The following SRL variants were observed in gnomAD, a reference collection of about 807,000 sequenced individuals.
SRL encodes sarcalumenin.
SRL carries 23 observed loss-of-function variants against 39.5 expected under a neutral mutation model. That is an observed-to-expected ratio of 0.58 (90% CI 0.42 to 0.82). The LOEUF (loss-of-function observed/expected upper bound fraction) is 0.82, where lower values mean the gene tolerates loss of function less well. Ranked by LOEUF, SRL falls within the 40% of genes least tolerant of loss-of-function variation. The pLI, the probability that SRL is intolerant of heterozygous loss-of-function variation, is 0.00. For synonymous variants in SRL, 272 were observed against 237.4 expected (o/e 1.15, Z -1.34); for missense variants, 592 against 607.8 (o/e 0.97, Z 0.27).
At chr16:4,232,878 G>A (rs898894768) in intron 1 of SRL, among the ~76,000 whole-genome samples, 1 of 152,192 alleles carries the variant, frequency 6.6e-6, no homozygotes, top group African/African-American at 2.4e-5. Context: ...CCTGAAGGAG[G>A]ACCGGGGGCT....
At chr16:4,236,672 C>G (rs1317584091) in intron 1 of SRL, among the ~76,000 whole-genome samples, 1 of 151,956 alleles carries the variant, frequency 6.6e-6, no homozygotes, top group Non-Finnish European at 1.5e-5. Context: ...GAGACAGAGT[C>G]TTGCTCTGGT....
chr16:4,223,462 C>T (rs1456665382), intron 1 of SRL, among the ~76,000 whole-genome samples: 2 of 151,946 alleles, frequency 1.3e-5, no homozygotes, highest in African/African-American at 4.8e-5. Context: ...ACTGCAGCCT[C>T]AAACTCCAGG....
At chr16:4,206,858 C>T (rs2052325661) in intron 1 of SRL, 1 of 456,780 alleles carries the variant, frequency 2.2e-6, no homozygotes, top group Non-Finnish European at 4.4e-6. Flanking sequence ...CCCCTCTGTC[C>T]CTGTGACTTG....
chr16:4,235,358 G>C (rs187588386), intron 1 of SRL, among the ~76,000 whole-genome samples: 1 of 152,246 alleles, frequency 6.6e-6, no homozygotes, highest in East Asian at 1.9e-4. Flanking sequence ...ATCATGAAGG[G>C]GACCTGAGGC....
At chr16:4,224,846 T>C (rs765584517) in intron 1 of SRL, among the ~76,000 whole-genome samples, 24 of 152,176 alleles carry the variant, frequency 1.6e-4, no homozygotes, top group Non-Finnish European at 3.1e-4. Context: ...AGCCCGACTG[T>C]CCATCAGTAG....
chr16:4,211,907 A>G (rs1207430034), intron 1 of SRL, among the ~76,000 whole-genome samples: 1 of 152,254 alleles, frequency 6.6e-6, no homozygotes, highest in African/African-American at 2.4e-5. Context: ...GATGATGAGA[A>G]TGATAGTGGT....
At position 4,192,263 on chromosome 16, in the gene SRL, C is replaced by G; in HGVS notation, c.1312G>C (p.Glu438Gln). The G allele has an allele frequency of 6.2e-7, 1 of 1,614,094 alleles. No individual in the cohort carries two copies. The highest frequency in any genetic ancestry group is 1.3e-5 in the African/African-American group (1 of 75,038). The change falls in exon 6 of 6, where the codon GAG becomes CAG. Residue 438 changes from glutamate to glutamine, a missense_variant. Physicochemically the swap from Glu to Gln is conservative, Grantham distance 29. Coordinates refer to ENST00000399609, the MANE Select transcript of SRL (RefSeq NM_001098814.2). The surrounding 1 kb of genome is among the most constrained non-coding windows in gnomAD (Gnocchi z 4.0). ...AGGCTACCCAGGAGGCCCGGAAGCTCCTGAGTGATGGCCCGCTCAATCTTC... is the reference window on the plus strand; with the variant it reads ...AGGCTACCCAGGAGGCCCGGAAGCTGCTGAGTGATGGCCCGCTCAATCTTC... Reference protein sequence around the residue: ...LEKIERAITQELPGLLGSLGL... With the variant: ...LEKIERAITQQLPGLLGSLGL...
chr16:4,229,955 G>A (rs936159448), intron 1 of SRL, among the ~76,000 whole-genome samples: 5 of 152,046 alleles, frequency 3.3e-5, no homozygotes, highest in Admixed American at 1.3e-4. Context: ...GAGTAAGCTG[G>A]TCCTGGGCTT....
intron 1 of SRL, among the ~76,000 whole-genome samples, chr16:4,205,652 G>C (rs1157424569): frequency 6.6e-6 from 1 of 152,156 alleles, no homozygotes; most frequent in Non-Finnish European, 1.5e-5. Flanking sequence ...AGCAGGAGAA[G>C]GGGTGTCTGG....
At chr16:4,219,264 G>A (rs2052494348) in intron 1 of SRL, among the ~76,000 whole-genome samples, 2 of 152,226 alleles carry the variant, frequency 1.3e-5, no homozygotes, top group African/African-American at 2.4e-5. Context: ...CCCATAGGGG[G>A]CCCAGACAAA....
intron 1 of SRL, chr16:4,208,188 G>A (rs989034249): frequency 3.0e-5 from 11 of 371,050 alleles, no homozygotes; most frequent in Non-Finnish European, 4.7e-5. Context: ...CCTAGCTCCC[G>A]TCTTCTGGGA....
chr16:4,206,999 C>A (rs1224114373), intron 1 of SRL: 1 of 454,244 alleles, frequency 2.2e-6, no homozygotes, highest in African/African-American at 2.0e-5. Flanking sequence ...CTTCCTGGGG[C>A]TCCTCGGCTT....
intron 3 of SRL, 37 bp downstream of exon 3, chr16:4,203,129 C>CTCAAGCCCTACCT: frequency 6.3e-7 from 1 of 1,586,360 alleles, no homozygotes; most frequent in South Asian, 1.1e-5. Context: ...GCGCCGTACC[C>CTCAAGCCCTACCT]GTAATCTCAA....
At chr16:4,200,880 C>G (rs773998927) in intron 3 of SRL, among the ~76,000 whole-genome samples, 9 of 152,104 alleles carry the variant, frequency 5.9e-5, no homozygotes, top group Non-Finnish European at 1.2e-4. Context: ...TTACAGCCAT[C>G]CAGAGCATCA....
At chr16:4,218,968 G>A (rs573603703) in intron 1 of SRL, among the ~76,000 whole-genome samples, 11 of 152,270 alleles carry the variant, frequency 7.2e-5, no homozygotes, top group Non-Finnish European at 1.3e-4. Flanking sequence ...TTCTTTCCCA[G>A]AGGGTGTCAC....
chr16:4,198,984 G>A (rs2052185524), intron 3 of SRL, among the ~76,000 whole-genome samples: 1 of 152,104 alleles, frequency 6.6e-6, no homozygotes, highest in Admixed American at 6.6e-5. Context: ...CTTTCAACGT[G>A]GGGTGTGGTC....
chr16:4,234,560 TAGAGAAGGATGACAGCACAGGCTGCCG>T (rs2052695429), intron 1 of SRL, among the ~76,000 whole-genome samples: 2 of 152,168 alleles, frequency 1.3e-5, no homozygotes. Context: ...TCTCTGATAT[TAGAGAAGGATGACAGCACAGGCTGCCG>T]CCATCGAGGA....
intron 1 of SRL, among the ~76,000 whole-genome samples, chr16:4,219,359 C>T (rs2052495537): frequency 6.6e-6 from 1 of 152,256 alleles, no homozygotes; most frequent in South Asian, 2.1e-4. Flanking sequence ...CCCTGGATTG[C>T]TCATCTGTCC....
chr16:4,236,984 G>A (rs1005080804), intron 1 of SRL, among the ~76,000 whole-genome samples: 17 of 146,938 alleles, frequency 1.2e-4, no homozygotes, highest in East Asian at 2.0e-4. Context: ...CTCAGTTGCC[G>A]AGGTTGGGGT....
Sources: gnomAD v4.1 joint callset for allele counts (sites outside exome capture counted in the v4.1 genomes callset) on GRCh38, gnomAD v4.1.1 for gene constraint, Gnocchi (gnomAD v3.1) non-coding constraint, MANE v1.5 for transcripts, NCBI Gene and HGNC (gene_info 2026-07-23, HGNC 2026-07-21) for gene names.